The following KCNIP1 variants were observed in gnomAD, a reference collection of about 807,000 sequenced individuals.
KCNIP1 encodes potassium voltage-gated channel interacting protein 1, also known as A-type potassium channel modulatory protein KCNIP1.
Under a neutral mutation model 33.0 loss-of-function variants are expected in KCNIP1, and 18 were observed. The observed-to-expected ratio is 0.55, with a 90% CI of 0.38 to 0.81. The LOEUF (loss-of-function observed/expected upper bound fraction) is 0.81, where lower values mean the gene tolerates loss of function less well. Ranked by LOEUF, KCNIP1 falls within the 30% of genes least tolerant of loss-of-function variation. KCNIP1 has a pLI of 0.00. For synonymous variants in KCNIP1, 93 were observed against 98.3 expected, an observed-to-expected ratio of 0.95 and a Z score of 0.32; for missense variants, 238 against 271.6, an observed-to-expected ratio of 0.88 and a Z score of 0.87.
At chr5:170,391,647 C>T (rs1457634692) in intron 1 of KCNIP1, among the ~76,000 whole-genome samples, 1 of 152,190 alleles carries the variant, frequency 6.6e-6, no homozygotes, top group African/African-American at 2.4e-5. Context: ...AAGGTACTAG[C>T]ACAATAGGCT....
chr5:170,660,365 T>G (rs1478472201), intron 1 of KCNIP1, among the ~76,000 whole-genome samples: 1 of 133,848 alleles, frequency 7.5e-6, no homozygotes, highest in Non-Finnish European at 1.6e-5. Flanking sequence ...AGGAGAATGA[T>G]TTTTATAAAA....
intron 1 of KCNIP1, among the ~76,000 whole-genome samples, chr5:170,716,539 A>G (rs1581537950): frequency 6.9e-6 from 1 of 145,848 alleles, no homozygotes; most frequent in Admixed American, 6.8e-5. Context: ...GATGAAAACG[A>G]AAAACAAAAC....
chr5:170,689,061 G>A (rs1762634792), intron 1 of KCNIP1, among the ~76,000 whole-genome samples: 1 of 152,192 alleles, frequency 6.6e-6, no homozygotes, highest in Non-Finnish European at 1.5e-5. Flanking sequence ...TACATGATAT[G>A]AGTCAGTGTT....
At chr5:170,356,631 G>A (rs1003501582) in intron 1 of KCNIP1, among the ~76,000 whole-genome samples, 1 of 152,178 alleles carries the variant, frequency 6.6e-6, no homozygotes, top group African/African-American at 2.4e-5. Flanking sequence ...GAACATGTTT[G>A]CTAAAGGCTC....
At chr5:170,648,421 A>C (rs910114530) in intron 1 of KCNIP1, among the ~76,000 whole-genome samples, 3 of 152,238 alleles carry the variant, frequency 2.0e-5, no homozygotes, top group African/African-American at 7.2e-5. Context: ...ATGATGGTGC[A>C]TCCTGGCAGT....
At chr5:170,576,374 G>C (rs949640511) in intron 1 of KCNIP1, among the ~76,000 whole-genome samples, 1 of 152,148 alleles carries the variant, frequency 6.6e-6, no homozygotes, top group African/African-American at 2.4e-5. Flanking sequence ...AGCCTCAGAG[G>C]TCACATAGTG....
chr5:170,487,413 A>G (rs1210244208), intron 1 of KCNIP1, among the ~76,000 whole-genome samples: 1 of 152,196 alleles, frequency 6.6e-6, no homozygotes, highest in Non-Finnish European at 1.5e-5. Flanking sequence ...CGCAAAATTA[A>G]CCGACACAAT....
chr5:170,588,705 C>A (rs541979451), intron 1 of KCNIP1, among the ~76,000 whole-genome samples: 1 of 152,240 alleles, frequency 6.6e-6, no homozygotes, highest in African/African-American at 2.4e-5. Flanking sequence ...AAGCTTTATC[C>A]CAAGGCTTCA....
intron 1 of KCNIP1, among the ~76,000 whole-genome samples, chr5:170,365,600 G>A (rs920532184): frequency 8.5e-5 from 13 of 152,228 alleles, no homozygotes; most frequent in African/African-American, 3.1e-4. Flanking sequence ...GGGAGGGCAT[G>A]AAGTGAGCAG....
chr5:170,390,502 C>CAAAAAAAAAAAAAAAAAA (rs1296285736), intron 1 of KCNIP1, among the ~76,000 whole-genome samples: 1 of 35,800 alleles, frequency 2.8e-5, no homozygotes, highest in African/African-American at 1.7e-4. Context: ...GACCCCGTCT[C>CAAAAAAAAAAAAAAAAAA]AAAAAAAAAA....
intron 1 of KCNIP1, chr5:170,378,638 G>A: frequency 6.6e-7 from 1 of 1,505,186 alleles, no homozygotes; most frequent in Non-Finnish European, 8.9e-7. Context: ...TGCAAGTGGG[G>A]AGCAGCCCTG....
intron 1 of KCNIP1, among the ~76,000 whole-genome samples, chr5:170,698,855 C>T (rs750222820): frequency 1.3e-5 from 2 of 152,166 alleles, no homozygotes; most frequent in African/African-American, 2.4e-5. Context: ...AGGGATTATT[C>T]CCACCATTTC....
chr5:170,471,075 T>C (rs1015988593), intron 1 of KCNIP1, among the ~76,000 whole-genome samples: 5 of 152,222 alleles, frequency 3.3e-5, no homozygotes, highest in African/African-American at 1.2e-4. Context: ...TATTACCTTC[T>C]TGCTTGTCAA....
intron 1 of KCNIP1, among the ~76,000 whole-genome samples, chr5:170,666,367 C>A (rs1761703365): frequency 6.6e-6 from 1 of 152,054 alleles, no homozygotes; most frequent in Admixed American, 6.6e-5. Flanking sequence ...CTGTTGGCAC[C>A]AAAAGATGCT....
In KCNIP1 at chr5:170,645,157, T is replaced by C. The variant is rs191818048; in HGVS notation, c.62-73601T>C. Among the ~76,000 whole-genome samples the C allele has an allele frequency of 1.2e-3, 176 of 152,294 alleles. 1 individual carries two copies. Among genetic ancestry groups the C allele is most frequent in the Middle Eastern group, 6.8e-3 (2 of 294 alleles). On this transcript the variant is annotated intron_variant, in intron 1 of 7. Transcript: ENST00000328939. ...GAGGTTACTTAACAAAGAGACTCTG[T>C]AGTTATGTTAGAAATAAATCTTATG...
At chr5:170,559,880 G>A (rs913943906) in intron 1 of KCNIP1, among the ~76,000 whole-genome samples, 5 of 152,180 alleles carry the variant, frequency 3.3e-5, no homozygotes, top group South Asian at 2.1e-4. Flanking sequence ...CTTAGACAGC[G>A]TCTTGGTCAC....
chr5:170,445,834 C>T (rs1366559128), intron 1 of KCNIP1, among the ~76,000 whole-genome samples: 3 of 152,228 alleles, frequency 2.0e-5, no homozygotes, highest in African/African-American at 7.2e-5. Context: ...GGTGAAAGGG[C>T]TGCATTGGGC....
At chr5:170,430,755 C>T (rs948111324) in intron 1 of KCNIP1, among the ~76,000 whole-genome samples, 4 of 152,168 alleles carry the variant, frequency 2.6e-5, no homozygotes, top group South Asian at 4.1e-4. Flanking sequence ...TGAGGTCATA[C>T]GCAGTTCCTG....
At chr5:170,549,512 G>A (rs2113407305) in intron 1 of KCNIP1, among the ~76,000 whole-genome samples, 1 of 152,274 alleles carries the variant, frequency 6.6e-6, no homozygotes, top group Middle Eastern at 3.4e-3. Context: ...ATTATCATCT[G>A]TCTCTTAACC....
Sources: allele counts gnomAD v4.1 joint callset (sites outside exome capture counted in the v4.1 genomes callset), GRCh38; gene constraint gnomAD v4.1.1; transcripts MANE v1.5; gene names NCBI Gene and HGNC (gene_info 2026-07-23, HGNC 2026-07-21).